PTPN2: variants seen among roughly 807,000 people sequenced by gnomAD.
PTPN2 encodes tyrosine-protein phosphatase non-receptor type 2.
PTPN2 carries 19 observed loss-of-function variants against 57.3 expected under a neutral mutation model. The ratio of observed to expected loss-of-function variants is 0.33; its 90% CI spans 0.23 to 0.49. PTPN2 has a LOEUF of 0.49. PTPN2 is among the 20% of genes least tolerant of loss of function. The pLI, the probability that PTPN2 is intolerant of heterozygous loss-of-function variation, is 0.99. For synonymous variants in PTPN2, 153 were observed against 164.9 expected (o/e 0.93, Z 0.55); for missense variants, 358 against 501.1 (o/e 0.71, Z 2.73).
chr18:12,883,770 G>T, intron 1 of PTPN2: 1 of 277,440 alleles, frequency 3.6e-6, no homozygotes, highest in Non-Finnish European at 6.8e-6. Context: ...GCCGCGCAAC[G>T]CTGGTGGCGC....
chr18:12,831,085 A>T, intron 3 of PTPN2, 44 bp from the exon 4 acceptor site: 1 of 1,392,072 alleles, frequency 7.2e-7, no homozygotes, highest in Non-Finnish European at 1.0e-6. Flanking sequence ...AAGCAGACAG[A>T]AAGAGCAAGG....
chr18:12,828,860 T>C (rs2042567315), intron 4 of PTPN2, among the ~76,000 whole-genome samples: 1 of 151,794 alleles, frequency 6.6e-6, no homozygotes, highest in African/African-American at 2.4e-5. Context: ...GCAGCAAGAG[T>C]TTGAGATGAG....
chr18:12,835,289 T>G (rs1009152249), intron 3 of PTPN2, among the ~76,000 whole-genome samples: 4 of 152,066 alleles, frequency 2.6e-5, no homozygotes, highest in African/African-American at 9.7e-5. Context: ...TTACTAATGG[T>G]ATATGTATGA....
chr18:12,872,033 A>G (rs2044283230), intron 1 of PTPN2, among the ~76,000 whole-genome samples: 1 of 149,732 alleles, frequency 6.7e-6, no homozygotes, highest in East Asian at 2.0e-4. Flanking sequence ...GGGGCCACAG[A>G]GCAAGACTCT....
chr18:12,786,165 G>A (rs997986928), intron 9 of PTPN2: 6 of 350,920 alleles, frequency 1.7e-5, no homozygotes, highest in Admixed American at 1.5e-4. Context: ...GATACCGACA[G>A]ACAGACAGGT....
chr18:12,874,784 C>G (rs2145531190), intron 1 of PTPN2, among the ~76,000 whole-genome samples: 1 of 152,298 alleles, frequency 6.6e-6, no homozygotes, highest in South Asian at 2.1e-4. Context: ...CTCTGCCCGG[C>G]CACCACCCTG....
chr18:12,808,385 T>C (rs1207846492), intron 7 of PTPN2, among the ~76,000 whole-genome samples: 2 of 152,090 alleles, frequency 1.3e-5, no homozygotes, highest in Non-Finnish European at 2.9e-5. Flanking sequence ...AAAAGATAAA[T>C]GTATGAGGTG....
At chr18:12,813,443 A>G (rs2041965251) in intron 7 of PTPN2, among the ~76,000 whole-genome samples, 1 of 152,216 alleles carries the variant, frequency 6.6e-6, no homozygotes, top group Non-Finnish European at 1.5e-5. Flanking sequence ...AGATTTGGAA[A>G]AAATCTTTTT....
chr18:12,839,166 T>A (rs2042965173), intron 2 of PTPN2, among the ~76,000 whole-genome samples: 1 of 152,200 alleles, frequency 6.6e-6, no homozygotes, highest in Non-Finnish European at 1.5e-5. Flanking sequence ...TGTGACTTTA[T>A]AATTTATACT....
At chr18:12,839,953 A>C (rs1051235364) in intron 2 of PTPN2, among the ~76,000 whole-genome samples, 10 of 152,082 alleles carry the variant, frequency 6.6e-5, no homozygotes, top group Non-Finnish European at 1.2e-4. Flanking sequence ...AAAAAAAAAA[A>C]AACAACCCAC....
At chr18:12,823,447 G>A (rs150919962) in intron 5 of PTPN2, among the ~76,000 whole-genome samples, 49 of 152,294 alleles carry the variant, frequency 3.2e-4, no homozygotes, top group African/African-American at 1.1e-3. Context: ...GCTGAGGCGG[G>A]CAGATCACCT....
chr18:12,871,264 C>T (rs2044260783), intron 1 of PTPN2, among the ~76,000 whole-genome samples: 1 of 152,096 alleles, frequency 6.6e-6, no homozygotes, highest in South Asian at 2.1e-4. Context: ...TATGAATAAC[C>T]TTTCAAAGAA....
At chr18:12,846,501 C>T (rs1001839982) in intron 2 of PTPN2, among the ~76,000 whole-genome samples, 2 of 152,142 alleles carry the variant, frequency 1.3e-5, no homozygotes, top group Non-Finnish European at 1.5e-5. Flanking sequence ...CTCAGATTAT[C>T]CCAGGTTTGG....
chr18:12,805,918 G>A (rs368643477), intron 7 of PTPN2, among the ~76,000 whole-genome samples: 7 of 152,066 alleles, frequency 4.6e-5, no homozygotes, highest in East Asian at 1.9e-4. Context: ...ATGAGCCACC[G>A]CACCGGGCTA....
chr18:12,855,118 A>C (rs952065486), intron 2 of PTPN2, among the ~76,000 whole-genome samples: 2 of 152,212 alleles, frequency 1.3e-5, no homozygotes, highest in Non-Finnish European at 2.9e-5. Context: ...ATTGCATTTG[A>C]CAACTACAGC....
At chr18:12,794,604 C>A (rs1204845822) in intron 8 of PTPN2, 119 bp from the exon 9 acceptor site, 1 of 1,234,462 alleles carries the variant, frequency 8.1e-7, no homozygotes, top group African/African-American at 1.5e-5. Context: ...TATTTGAACA[C>A]TGGAATAATG....
intron 2 of PTPN2, among the ~76,000 whole-genome samples, chr18:12,841,509 T>C (rs998867923): frequency 3.3e-5 from 5 of 152,220 alleles, no homozygotes; most frequent in African/African-American, 1.2e-4. Context: ...AATCAAGTAG[T>C]GGCGGTGGGA....
chr18:12,831,078 C>T, intron 3 of PTPN2, 37 bp from the exon 4 acceptor site: 1 of 1,447,354 alleles, frequency 6.9e-7, no homozygotes, highest in Non-Finnish European at 9.7e-7. Context: ...ATGAGGGAAG[C>T]AGACAGAAAG....
At position 12,884,219 on chromosome 18, in the gene PTPN2, C is replaced by T; in HGVS notation, c.-78G>A. On this transcript the variant is annotated 5_prime_UTR_variant, in exon 1 of 9. Transcript: ENST00000309660. ...GGCCCCGCACGATCCGGGGAGAGCGCTGGCGCTGCGGCGCATGCGCGCTGC... is the reference window on the plus strand; with the variant it reads ...GGCCCCGCACGATCCGGGGAGAGCGTTGGCGCTGCGGCGCATGCGCGCTGC... 8.4e-7 allele frequency: 1 copy of T among 1,191,376 alleles called. No homozygotes were observed. The highest frequency in any genetic ancestry group is 1.1e-6 in the Non-Finnish European group (1 of 892,718). 73.8% of individuals were successfully genotyped at this position (1,191,376 alleles called of 1,614,324 possible). A position where few individuals can be genotyped will look rare whatever the true frequency, so the allele number is the denominator to read the frequency against.
Sources: gnomAD v4.1 joint callset for allele counts (sites outside exome capture counted in the v4.1 genomes callset) on GRCh38, gnomAD v4.1.1 for gene constraint, MANE v1.5 for transcripts, NCBI Gene and HGNC (gene_info 2026-07-23, HGNC 2026-07-21) for gene names.